The following SAMD3 variants were observed in gnomAD, a reference collection of about 807,000 sequenced individuals.
The protein encoded by SAMD3 is sterile alpha motif domain containing 3.
A neutral mutation model predicts 58.5 loss-of-function variants in SAMD3; 63 were observed. The ratio of observed to expected loss-of-function variants is 1.08; its 90% CI spans 0.88 to 1.33. The LOEUF (loss-of-function observed/expected upper bound fraction) is 1.33. Ranked by LOEUF, SAMD3 falls within the 40% of genes most tolerant of loss-of-function variation. The probability of loss-of-function intolerance (pLI) is 0.00; values close to 1 mark genes in which losing one functional copy is unlikely to be tolerated. For missense variants in SAMD3, 604 were observed against 608.4 expected (o/e 0.99, Z 0.08); for synonymous variants, 220 against 210.3 (o/e 1.05, Z -0.40).
At chr6:130,155,097 A>C (rs999516350) in intron 8 of SAMD3, 72 bp from the exon 9 acceptor site, 1 of 1,168,176 alleles carries the variant, frequency 8.6e-7, no homozygotes, top group African/African-American at 1.5e-5. Flanking sequence ...CTGTTATTGC[A>C]CACTCTTAAC....
In SAMD3 at chr6:130,164,358, A is replaced by G. The variant is rs1382158860; in HGVS notation, c.823-9333T>C. Among the ~76,000 whole-genome samples the G allele has an allele frequency of 2.6e-5, 4 of 152,158 alleles. No individual in the cohort carries two copies. In the East Asian group the frequency reaches 7.7e-4, roughly 29 times the overall value. On this transcript the variant is annotated intron_variant, in intron 8 of 11. Transcript: ENST00000439090. Reference sequence around the variant, plus strand: ...ACTTAAAGCAAAATCATTTTTTCCTATGTTCTAAGTGTTCTTATTACAACA... The same window carrying G: ...ACTTAAAGCAAAATCATTTTTTCCTGTGTTCTAAGTGTTCTTATTACAACA...
At chr6:130,191,128 G>A (rs773905715) in intron 5 of SAMD3, among the ~76,000 whole-genome samples, 17 of 151,388 alleles carry the variant, frequency 1.1e-4, no homozygotes, top group Non-Finnish European at 1.9e-4. Flanking sequence ...CCTGTTTGCC[G>A]ACAATGTAAC....
At chr6:130,281,989 A>G (rs541677078) in intron 2 of SAMD3, among the ~76,000 whole-genome samples, 34 of 152,324 alleles carry the variant, frequency 2.2e-4, no homozygotes, top group African/African-American at 7.5e-4. Flanking sequence ...GCATTTGCAC[A>G]TGCCATACTC....
chr6:130,348,954 T>C (rs1479057566), intron 1 of SAMD3, among the ~76,000 whole-genome samples: 1 of 152,032 alleles, frequency 6.6e-6, no homozygotes, highest in Admixed American at 6.6e-5. Flanking sequence ...ACATGGAAAC[T>C]GAACAACCTG....
At chr6:130,339,760 G>A (rs1036765789) in intron 1 of SAMD3, among the ~76,000 whole-genome samples, 3 of 151,980 alleles carry the variant, frequency 2.0e-5, no homozygotes, top group African/African-American at 7.3e-5. Flanking sequence ...CAGAAAATAG[G>A]ACTTGCAAGA....
chr6:130,244,988 T>C (rs960916470), intron 2 of SAMD3, among the ~76,000 whole-genome samples: 1 of 152,184 alleles, frequency 6.6e-6, no homozygotes, highest in Non-Finnish European at 1.5e-5. Flanking sequence ...AAAGCAGTAT[T>C]GTGACTGAAG....
chr6:130,226,193 CCT>C (rs1796379099), upstream of SAMD3, among the ~76,000 whole-genome samples: 1 of 152,104 alleles, frequency 6.6e-6, no homozygotes, highest in Non-Finnish European at 1.5e-5. Flanking sequence ...CTGCTGATCC[CCT>C]GTGTTTCTCT....
intron 2 of SAMD3, among the ~76,000 whole-genome samples, chr6:130,268,396 A>G (rs1013436012): frequency 2.6e-4 from 40 of 152,176 alleles, no homozygotes; most frequent in Admixed American, 5.9e-4. Flanking sequence ...TATATTGTTG[A>G]AGAAAGAAAT....
In SAMD3 at chr6:130,145,341, T is replaced by G; in HGVS notation, c.1277A>C (p.Gln426Pro). 6.3e-7 allele frequency: 1 copy of G among 1,591,384 alleles called. No homozygotes were observed. Among genetic ancestry groups the G allele is most frequent in the Non-Finnish European group, 8.6e-7 (1 of 1,160,834 alleles). The change falls in exon 11 of 12, where the codon CAG becomes CCG. Residue 426 changes from glutamine (Q) to proline (P), a missense_variant and splice_region_variant. Gln to Pro is a moderately conservative substitution (Grantham distance 76). Transcript: ENST00000439090. Reference sequence around the variant, plus strand: ...AGTGGCCATTCACATACTACATACCTGTTCATTCATGATGACAAAAAGGCT... The same window carrying G: ...AGTGGCCATTCACATACTACATACCGGTTCATTCATGATGACAAAAAGGCT... ...DPSLFVIMNE[Q>P]VQVSTPVLEV...
At chr6:130,270,300 CCAGG>C (rs1774513701) in intron 2 of SAMD3, among the ~76,000 whole-genome samples, 2 of 152,164 alleles carry the variant, frequency 1.3e-5, no homozygotes, top group South Asian at 4.1e-4. Context: ...ACCATGTTGG[CCAGG>C]CTGGTCTCAA....
intron 2 of SAMD3, chr6:130,286,256 A>T (rs547519193): frequency 4.6e-5 from 7 of 152,244 alleles, no homozygotes; most frequent in Non-Finnish European, 8.8e-5. Flanking sequence ...CCAACACAGG[A>T]TGGCCAGAAG....
rs538355208 is a variant in SAMD3, at chr6:130,330,919, T to A, written c.-303-17826A>T. ...TCTTAAGAATCTGAAAATCAGATTATTTGCTGACATTGATACTAAAAAGTG... is the reference window on the plus strand; with the variant it reads ...TCTTAAGAATCTGAAAATCAGATTAATTGCTGACATTGATACTAAAAAGTG... On this transcript the variant is annotated intron_variant, in intron 1 of 13. Transcript: ENST00000368134. 2.0e-5 allele frequency among the ~76,000 whole-genome samples: 3 copies of A among 152,324 alleles called. No individual in the cohort carries two copies. The South Asian group carries it at 6.2e-4, about 32-fold the overall frequency.
intron 1 of SAMD3, among the ~76,000 whole-genome samples, chr6:130,362,936 G>A (rs1464151230): frequency 6.6e-6 from 1 of 152,074 alleles, no homozygotes. Context: ...AAATAAAAAT[G>A]ACCTTAAAAT....
rs774036634 is a variant in SAMD3 at position 130,294,909 on chromosome 6, A to ATTTT, written c.-188+18065_-188+18068dup. On this transcript the variant is annotated intron_variant, in intron 2 of 13. Transcript: ENST00000368134. Reference sequence around the variant, plus strand: ...TCTAATTTTTCCATACATTTCTCTGATTTTTTTTTTTTTTTTTTTTTTTTT... The same window carrying ATTTT: ...TCTAATTTTTCCATACATTTCTCTGATTTTTTTTTTTTTTTTTTTTTTTTTTTTT... Among the ~76,000 whole-genome samples the ATTTT allele has an allele frequency of 6.9e-4, 39 of 56,164 alleles. 3 individuals are homozygous for ATTTT. The highest frequency in any genetic ancestry group is 1.6e-3 in the Admixed American group (8 of 5,092). 36.8% of individuals were successfully genotyped at this position (56,164 alleles called of 152,430 possible).
At chr6:130,268,928 A>G (rs1774457044) in intron 2 of SAMD3, among the ~76,000 whole-genome samples, 2 of 152,174 alleles carry the variant, frequency 1.3e-5, no homozygotes, top group Admixed American at 1.3e-4. Context: ...TCCTCTTAAT[A>G]AGATATTTTG....
At chr6:130,308,425 ATTC>A (rs1562513256) in intron 2 of SAMD3, among the ~76,000 whole-genome samples, 75 of 111,154 alleles carry the variant, frequency 6.7e-4, no homozygotes, top group Non-Finnish European at 1.2e-3. Context: ...ATTCTATTCT[ATTC>A]TATTCTATTC....
At chr6:130,294,356 A>G (rs970046540) in intron 2 of SAMD3, among the ~76,000 whole-genome samples, 4 of 152,308 alleles carry the variant, frequency 2.6e-5, no homozygotes, top group African/African-American at 9.6e-5. Context: ...TCTTCAGGGT[A>G]TTTCAGACTA....
intron 5 of SAMD3, among the ~76,000 whole-genome samples, chr6:130,188,022 TTATAA>T (rs1169848014): frequency 6.6e-6 from 1 of 151,948 alleles, no homozygotes; most frequent in Non-Finnish European, 1.5e-5. Context: ...AAAATAAAAC[TTATAA>T]TAAAGTTAAG....
chr6:130,192,297 T>C (rs1012296676), intron 5 of SAMD3, among the ~76,000 whole-genome samples: 3 of 152,224 alleles, frequency 2.0e-5, no homozygotes, highest in African/African-American at 7.2e-5. Flanking sequence ...TTCTTTTCTT[T>C]TTTAAGAGAC....
Sources: allele counts gnomAD v4.1 joint callset (sites outside exome capture counted in the v4.1 genomes callset), GRCh38; gene constraint gnomAD v4.1.1; transcripts MANE v1.5; gene names NCBI Gene and HGNC (gene_info 2026-07-23, HGNC 2026-07-21).